The following BPIFB3 variants were observed in gnomAD, a reference collection of about 807,000 sequenced individuals.
BPIFB3 encodes the protein BPI fold containing family B member 3.
In BPIFB3, 49 loss-of-function variants were observed where a neutral mutation model predicts 53.1. The observed-to-expected ratio is 0.92, with a 90% CI of 0.73 to 1.17. The LOEUF (loss-of-function observed/expected upper bound fraction) is 1.17, where lower values mean the gene tolerates loss of function less well. Ranked by LOEUF, BPIFB3 falls within the 50% of genes most tolerant of loss-of-function variation. The probability of loss-of-function intolerance (pLI) is 0.00; values close to 1 mark genes in which losing one functional copy is unlikely to be tolerated. For synonymous variants in BPIFB3, 271 were observed against 269.6 expected (o/e 1.01, Z -0.05); for missense variants, 628 against 592.5 (o/e 1.06, Z -0.62).
At chr20:33,062,198 G>A (rs1336417424) in intron 5 of BPIFB3, among the ~76,000 whole-genome samples, 8 of 152,218 alleles carry the variant, frequency 5.3e-5, no homozygotes, top group Non-Finnish European at 2.9e-5. Flanking sequence ...TGGCAATCAT[G>A]TCTAGAAAAA....
rs563695636 is a variant in BPIFB3 at position 33,068,849 on chromosome 20, G to C, written c.1025G>C (p.Arg342Pro). The stretch of plus-strand genomic sequence containing the variant: ...CACCAGCAACTCCTACTGTTCCTGC[G>C]GGTGAGGGAAGCTCCCACGGTCACA... Residue 342 changes from arginine to proline, a missense_variant, in exon 10 of 15, where the codon CGG becomes CCG. Transcript: ENST00000375494. 3.1e-6 allele frequency: 5 copies of C among 1,613,798 alleles called. No homozygotes were observed. In the African/African-American group the frequency reaches 5.3e-5, roughly 17 times the overall value.
intron 8 of BPIFB3, among the ~76,000 whole-genome samples, chr20:33,065,157 C>A (rs528083498): frequency 6.6e-6 from 1 of 152,282 alleles, no homozygotes; most frequent in East Asian, 1.9e-4. Flanking sequence ...ACTTTCCATA[C>A]CTGTATCAGA....
chr20:33,059,745 G>C, intron 3 of BPIFB3, 146 bp from the exon 5 acceptor site: 1 of 1,195,276 alleles, frequency 8.4e-7, no homozygotes, highest in South Asian at 1.5e-5. Flanking sequence ...TCAGGGAAGA[G>C]GGTGCAGGGA....
chr20:33,055,462 G>C, exon 1 of BPIFB3: 1 of 1,613,746 alleles, frequency 6.2e-7, no homozygotes, highest in Non-Finnish European at 8.5e-7. Flanking sequence ...CCCTGCTTCT[G>C]CTCTGGGGCC....
chr20:33,066,524 A>G (rs1980677523), intron 8 of BPIFB3, among the ~76,000 whole-genome samples: 1 of 152,056 alleles, frequency 6.6e-6, no homozygotes, highest in Non-Finnish European at 1.5e-5. Context: ...CAATTGTGTG[A>G]CCCTTGGCAA....
chr20:33,064,356 A>G (rs1221804739), intron 6 of BPIFB3, 101 bp from the exon 8 acceptor site: 2 of 920,186 alleles, frequency 2.2e-6, no homozygotes, highest in African/African-American at 3.3e-5. Context: ...TGCTTAGTAG[A>G]GTGCTAGGCA....
chr20:33,062,426 G>A (rs112283239), intron 5 of BPIFB3, among the ~76,000 whole-genome samples: 1 of 152,136 alleles, frequency 6.6e-6, no homozygotes, highest in African/African-American at 2.4e-5. Context: ...GCATTCTTGC[G>A]AACGCTGCTG....
exon 10 of BPIFB3, chr20:33,068,917 C>G: frequency 6.2e-7 from 1 of 1,614,070 alleles, no homozygotes; most frequent in Non-Finnish European, 8.5e-7. Flanking sequence ...AGCCAACATC[C>G]ATGTGCTGTT....
At chr20:33,073,641 A>T (rs1409794026), downstream of BPIFB3, 2 of 1,611,754 alleles carry the variant, frequency 1.2e-6, no homozygotes, top group Admixed American at 1.7e-5. Flanking sequence ...CCTGTTGACT[A>T]CTAGAGACCA....
In BPIFB3 at chr20:33,059,931, G is replaced by A. The variant is rs766094109; in HGVS notation, c.427G>A (p.Val143Met). The change falls in exon 4 of 15, where the codon GTG becomes ATG. Residue 143 changes from valine (V) to methionine (M), a missense_variant. Transcript: ENST00000375494. ...TCTGCAGCTGGCTGCGGAGGTGAAC[G>A]TGACATCGCGGGTGGCGCTGGCCGT... The A allele has an allele frequency of 1.4e-5, 23 of 1,614,030 alleles. No individual in the cohort carries two copies. The highest frequency in any genetic ancestry group is 1.3e-4 in the Admixed American group (8 of 60,008).
chr20:33,054,018 C>T (rs1469992184), upstream of BPIFB3, among the ~76,000 whole-genome samples: 1 of 152,156 alleles, frequency 6.6e-6, no homozygotes, highest in East Asian at 1.9e-4. Context: ...GCCGTTGACC[C>T]CACTGCCTTC....
At chr20:33,072,840 T>G in intron 14 of BPIFB3, 47 bp downstream of exon 15, 1 of 1,432,494 alleles carries the variant, frequency 7.0e-7, no homozygotes, top group Non-Finnish European at 9.8e-7. Flanking sequence ...TAAGCTTGTC[T>G]CTGGAAAGCT....
intron 2 of BPIFB3, 83 bp downstream of exon 3, chr20:33,056,781 G>T: frequency 1.4e-6 from 2 of 1,466,382 alleles, no homozygotes; most frequent in Non-Finnish European, 1.8e-6. Context: ...TTTGTAATTT[G>T]TCCAATAGGC....
rs778865093 is a variant in BPIFB3 at position 33,063,691 on chromosome 20, A to G, written c.652+16A>G. On this transcript the variant is annotated intron_variant, in intron 6 of 14. Coordinates refer to ENST00000375494, the Ensembl canonical transcript of BPIFB3. ...GCTGTGCTGGGTAAGTCAGGGCTCAATGCCCTCCTCTTTGCCCCTTCTACC... is the reference window on the plus strand; with the variant it reads ...GCTGTGCTGGGTAAGTCAGGGCTCAGTGCCCTCCTCTTTGCCCCTTCTACC... 6 of 1,612,352 alleles carry G rather than the reference A, an allele frequency of 3.7e-6. No homozygotes were observed. The East Asian group carries it at 8.9e-5, about 24-fold the overall frequency.
chr20:33,061,929 C>A (rs969350183), intron 5 of BPIFB3, 98 bp downstream of exon 6: 2 of 1,395,820 alleles, frequency 1.4e-6, no homozygotes, highest in Middle Eastern at 1.8e-4. Flanking sequence ...CAGGATTAGG[C>A]TGTACTTCCC....
intron 1 of BPIFB3, among the ~76,000 whole-genome samples, 198 bp downstream of exon 2, chr20:33,055,745 T>TA (rs1478758150): frequency 6.6e-6 from 1 of 152,158 alleles, no homozygotes; most frequent in African/African-American, 2.4e-5. Context: ...AATTCCCTCT[T>TA]ACGGGAGGTG....
intron 2 of BPIFB3, among the ~76,000 whole-genome samples, chr20:33,058,695 G>A (rs578111020): frequency 1.8e-4 from 28 of 152,062 alleles, no homozygotes; most frequent in Non-Finnish European, 3.5e-4. Context: ...CATAGGTGGT[G>A]GAGTCTGACA....
chr20:33,056,764 T>C, intron 2 of BPIFB3, 66 bp downstream of exon 3: 1 of 1,487,986 alleles, frequency 6.7e-7, no homozygotes, highest in African/African-American at 1.4e-5. Context: ...TGAGGAGAGA[T>C]TGTCTCTTTG....
intron 12 of BPIFB3, among the ~76,000 whole-genome samples, chr20:33,071,626 T>TC (rs1600545976): frequency 6.6e-6 from 1 of 152,102 alleles, no homozygotes; most frequent in South Asian, 2.1e-4. Flanking sequence ...GTAATAAATT[T>TC]CCCGAACTCA....
Sources: allele counts gnomAD v4.1 joint callset (sites outside exome capture counted in the v4.1 genomes callset), GRCh38; gene constraint gnomAD v4.1.1; transcripts MANE v1.5; gene names NCBI Gene and HGNC (gene_info 2026-07-23, HGNC 2026-07-21).